Variants in ISLR2 observed in about 807,000 individuals in gnomAD.
ISLR2 encodes the protein immunoglobulin superfamily containing leucine rich repeat 2.
ISLR2 carries 16 observed loss-of-function variants against 25.5 expected under a neutral mutation model. The observed-to-expected ratio is 0.63, with a 90% confidence interval of 0.43 to 0.95. The LOEUF (loss-of-function observed/expected upper bound fraction) is 0.95. Among genes scored for constraint, ISLR2 ranks in the 40% least tolerant of loss-of-function variants. The probability of loss-of-function intolerance (pLI) is 0.00; values close to 1 mark genes in which losing one functional copy is unlikely to be tolerated. For missense variants in ISLR2, 883 were observed against 1,030.7 expected (o/e 0.86, Z 1.96); for synonymous variants, 508 against 486.6 (o/e 1.04, Z -0.58).
chr15:74,111,755 G>A lies in ISLR2; in HGVS notation n.228+7841G>A, dbSNP rs545995648. Among the ~76,000 whole-genome samples the A allele has an allele frequency of 2.6e-5, 4 of 152,140 alleles. No individual in the cohort carries two copies. In the South Asian group the frequency reaches 8.3e-4, roughly 32 times the overall value. ...CTGGCTAATTTTTCCATTTTATAAT[G>A]TTCTTGAAGTGAGAAGATTATAAAG... On this transcript the variant is annotated intron_variant and non_coding_transcript_variant, in intron 2 of 3. Transcript: ENST00000561975.
At chr15:74,118,923 C>T (rs1171717798) in intron 2 of ISLR2, among the ~76,000 whole-genome samples, 3 of 152,056 alleles carry the variant, frequency 2.0e-5, no homozygotes, top group Non-Finnish European at 2.9e-5. Flanking sequence ...TCCCAGAGTG[C>T]TCGGATTACC....
chr15:74,111,753 A>AGG, intron 2 of ISLR2, among the ~76,000 whole-genome samples: 1 of 152,170 alleles, frequency 6.6e-6, no homozygotes, highest in East Asian at 1.9e-4. Flanking sequence ...CCATTTTATA[A>AGG]TGTTCTTGAA....
intron 2 of ISLR2, among the ~76,000 whole-genome samples, chr15:74,116,512 A>AGT (rs2141933635): frequency 6.6e-6 from 1 of 152,338 alleles, no homozygotes; most frequent in Non-Finnish European, 1.5e-5. Flanking sequence ...ACTCTTGAGA[A>AGT]GTGTTAAAAG....
chr15:74,128,828 A>T (rs976712495), upstream of ISLR2: 1 of 400,954 alleles, frequency 2.5e-6, no homozygotes, highest in Middle Eastern at 4.7e-4. Flanking sequence ...CAGGGTTCCC[A>T]ACACCCGGAC....
At chr15:74,110,225 A>T (rs2072155028) in intron 2 of ISLR2, among the ~76,000 whole-genome samples, 1 of 152,246 alleles carries the variant, frequency 6.6e-6, no homozygotes, top group Non-Finnish European at 1.5e-5. Flanking sequence ...ATATCAAATA[A>T]TGGCGAGGAT....
chr15:74,106,472 C>T (rs1209035236), intron 2 of ISLR2, among the ~76,000 whole-genome samples: 1 of 152,148 alleles, frequency 6.6e-6, no homozygotes. Flanking sequence ...CTCCAGCCCA[C>T]AGGAGTGCCT....
chr15:74,133,130 C>T lies in ISLR2; in HGVS notation c.376C>T (p.Gln126Ter), dbSNP rs1484509629. Reference sequence around the variant, plus strand: ...CGACCTGCGCAACCTGAGCGCGCTGCAGCTGCTCAAAATGAACCACAACCG... The same window carrying T: ...CGACCTGCGCAACCTGAGCGCGCTGTAGCTGCTCAAAATGAACCACAACCG... ...WSDLRNLSAL[Q>*]LLKMNHNRLG... Residue 126 changes from glutamine to a stop codon, truncating the protein, a stop_gained, in exon 3 of 3, where the codon CAG (glutamine) becomes TAG (stop). Coordinates refer to ENST00000453268, the MANE Select transcript of ISLR2 (RefSeq NM_020851.3). LOFTEE classifies it low-confidence loss of function (END_TRUNC). 6.2e-7 allele frequency: 1 copy of T among 1,612,844 alleles called. No individual in the cohort carries two copies. Among genetic ancestry groups the T allele is most frequent in the Non-Finnish European group, 8.5e-7 (1 of 1,179,962 alleles).
upstream of ISLR2, chr15:74,129,586 G>C (rs537086790): frequency 1.2e-4 from 18 of 152,788 alleles, no homozygotes; most frequent in African/African-American, 4.1e-4. The surrounding 1 kb of genome is among the most constrained non-coding windows in gnomAD (Gnocchi z 4.5). Flanking sequence ...GCGCAGGGGG[G>C]CGGAAACCGG....
At position 74,136,379 on chromosome 15, in the gene ISLR2, C is replaced by G; in HGVS notation, c.*1387C>G. The G allele has an allele frequency of 6.1e-6, 1 of 165,084 alleles. No individual in the cohort carries two copies. 10.2% of individuals were successfully genotyped at this position (165,084 alleles called of 1,614,324 possible). A position where few individuals can be genotyped will look rare whatever the true frequency, so the allele number is the denominator to read the frequency against. On this transcript the variant is annotated 3_prime_UTR_variant, in exon 3 of 3. Transcript: ENST00000453268. Reference sequence around the variant, plus strand: ...TGCTCGTGACTGTGCGACTGTGCGACGGGATCCGGATGGAGCCGAGCCCCT... The same window carrying G: ...TGCTCGTGACTGTGCGACTGTGCGAGGGGATCCGGATGGAGCCGAGCCCCT...
At chr15:74,111,138 TAAA>T (rs764782225) in intron 2 of ISLR2, among the ~76,000 whole-genome samples, 1 of 60,692 alleles carries the variant, frequency 1.6e-5, no homozygotes, top group Admixed American at 2.1e-4. Flanking sequence ...AGACTCCATC[TAAA>T]AAAAAAAAAA....
At chr15:74,106,770 AC>A (rs1413111573) in intron 2 of ISLR2, among the ~76,000 whole-genome samples, 2 of 151,932 alleles carry the variant, frequency 1.3e-5, no homozygotes, top group African/African-American at 2.4e-5. Context: ...GGGCCCGGAC[AC>A]CCCTCTGCAT....
Position 74,133,903 on chromosome 15 carries a change from C to T in ISLR2, c.1149C>T (p.Gly383=), listed in dbSNP as rs1429954975. Residue 383 remains glycine, a synonymous_variant, in exon 3 of 3, where the codon GGC becomes GGT. Coordinates refer to ENST00000453268, the MANE Select transcript of ISLR2 (RefSeq NM_020851.3). The part of the protein sequence containing the change: ...AATGPPKHAP[G]AGGEPDGQAP... ...CCGGGCCCCCAAAACACGCGCCTGG[C>T]GCCGGGGGAGAACCCGACGGACAGG... The T allele has an allele frequency of 1.2e-6, 2 of 1,605,404 alleles. No individual in the cohort carries two copies. The highest frequency in any genetic ancestry group is 1.7e-4 in the Middle Eastern group (1 of 6,046).
chr15:74,129,161 C>A (rs1177926645), upstream of ISLR2: 15 of 417,988 alleles, frequency 3.6e-5, no homozygotes, highest in South Asian at 1.2e-4. This position sits in a 1 kb window ranked among gnomAD's most constrained non-coding sequence, Gnocchi z 4.5. Flanking sequence ...TGGGGCTGAG[C>A]AAGATGCGAT....
chr15:74,124,607 A>C (rs566960660), upstream of ISLR2, among the ~76,000 whole-genome samples: 8 of 152,176 alleles, frequency 5.3e-5, no homozygotes, highest in South Asian at 8.3e-4. Context: ...AAAAATACAA[A>C]AACTAGCGGG....
chr15:74,113,151 A>G (rs370116025), intron 2 of ISLR2, among the ~76,000 whole-genome samples: 1 of 152,270 alleles, frequency 6.6e-6, no homozygotes, highest in African/African-American at 2.4e-5. Flanking sequence ...TCACGCTTCT[A>G]TGAGAATCTA....
intron 2 of ISLR2, among the ~76,000 whole-genome samples, chr15:74,115,608 T>C (rs2072204008): frequency 6.6e-6 from 1 of 152,012 alleles, no homozygotes; most frequent in South Asian, 2.1e-4. Context: ...GACACGAGAA[T>C]CACTTGAATC....
rs367554014 is a variant in ISLR2 at position 74,132,729 on chromosome 15, C to T, written c.-8-18C>T. Reference sequence around the variant, plus strand: ...AGTGAGTCACCTTCTTTCTTCTTCACCTGGCTTCCATCTGCAGGAGCCGCG... The same window carrying T: ...AGTGAGTCACCTTCTTTCTTCTTCATCTGGCTTCCATCTGCAGGAGCCGCG... On this transcript the variant is annotated intron_variant, in intron 2 of 2. Transcript: ENST00000453268. The surrounding 1 kb of genome is among the most constrained non-coding windows in gnomAD (Gnocchi z 4.3). The T allele has an allele frequency of 3.1e-5, 49 of 1,600,938 alleles. No individual in the cohort carries two copies. The highest frequency in any genetic ancestry group is 1.7e-4 in the Middle Eastern group (1 of 5,780).
chr15:74,137,745 C>A (rs1323038890), downstream of ISLR2, among the ~76,000 whole-genome samples: 2 of 152,106 alleles, frequency 1.3e-5, no homozygotes, highest in African/African-American at 4.8e-5. Context: ...CTTCTTCCTG[C>A]TTCCAATTTC....
chr15:74,131,110 G>A (rs547396417), intron 1 of ISLR2, 97 bp from the exon 2 acceptor site: 5 of 152,774 alleles, frequency 3.3e-5, no homozygotes, highest in African/African-American at 1.2e-4. Context: ...GGGGGAAACG[G>A]ACGCAAAAGG....
Sources: allele counts gnomAD v4.1 joint callset (sites outside exome capture counted in the v4.1 genomes callset), GRCh38; gene constraint gnomAD v4.1.1; non-coding constraint Gnocchi (gnomAD v3.1); transcripts MANE v1.5; gene names NCBI Gene and HGNC (gene_info 2026-07-23, HGNC 2026-07-21).